The following SEMA3D variants were observed in gnomAD, a reference collection of about 807,000 sequenced individuals.
The protein encoded by SEMA3D is semaphorin 3D.
SEMA3D carries 84 observed loss-of-function variants against 100.1 expected under a neutral mutation model. The observed-to-expected ratio is 0.84, with a 90% CI of 0.70 to 1.01. The LOEUF is 1.01. Ranked by LOEUF, SEMA3D falls within the 50% of genes least tolerant of loss-of-function variation. The pLI is 0.00. For missense variants in SEMA3D, 875 were observed against 934.1 expected (o/e 0.94, Z 0.82); for synonymous variants, 312 against 320.7 (o/e 0.97, Z 0.29).
intron 1 of SEMA3D, among the ~76,000 whole-genome samples, chr7:85,174,421 G>A (rs1443056362): frequency 1.3e-5 from 2 of 152,054 alleles, no homozygotes; most frequent in African/African-American, 4.8e-5. Context: ...ATATAGGAGT[G>A]ACATAAGCTT....
At chr7:85,012,522 A>C (rs185295299) in intron 17 of SEMA3D, among the ~76,000 whole-genome samples, 1 of 151,960 alleles carries the variant, frequency 6.6e-6, no homozygotes, top group African/African-American at 2.4e-5. Context: ...TGGATAAGGT[A>C]GTAAAAAAGA....
At chr7:85,005,893 A>C (rs985703131) in intron 18 of SEMA3D, among the ~76,000 whole-genome samples, 2 of 152,050 alleles carry the variant, frequency 1.3e-5, no homozygotes, top group African/African-American at 4.8e-5. Flanking sequence ...ACTTAATTAC[A>C]TGTACTATTT....
intron 2 of SEMA3D, among the ~76,000 whole-genome samples, chr7:85,126,666 C>T (rs573008631): frequency 5.3e-5 from 8 of 151,970 alleles, no homozygotes; most frequent in Admixed American, 3.9e-4. Flanking sequence ...GATGGTTTTC[C>T]TGTAGGGTGC....
At chr7:85,052,770 T>C (rs1156894956) in intron 9 of SEMA3D, among the ~76,000 whole-genome samples, 1 of 152,018 alleles carries the variant, frequency 6.6e-6, no homozygotes, top group South Asian at 2.1e-4. Flanking sequence ...TTGTCTAGTA[T>C]AGTGCATTTT....
intron 1 of SEMA3D, among the ~76,000 whole-genome samples, chr7:85,174,123 A>G (rs1791160390): frequency 6.6e-6 from 1 of 152,138 alleles, no homozygotes; most frequent in Non-Finnish European, 1.5e-5. Flanking sequence ...GTGAGGAAGA[A>G]GGTGATGTAA....
At chr7:85,211,486 T>A in the SEMA3D span, among the ~76,000 whole-genome samples, 1 of 152,150 alleles carries the variant, frequency 6.6e-6, no homozygotes, top group Non-Finnish European at 1.5e-5. Context: ...AACAGAATTA[T>A]GTTTGCTGTT....
At chr7:85,247,382 A>T in the SEMA3D span, among the ~76,000 whole-genome samples, 13 of 152,142 alleles carry the variant, frequency 8.5e-5, no homozygotes, top group Admixed American at 8.5e-4. Context: ...TAAGTGCTGT[A>T]GAAGAACAAT....
At chr7:85,117,792 GTAT>G (rs1233871857) in intron 3 of SEMA3D, among the ~76,000 whole-genome samples, 7 of 148,490 alleles carry the variant, frequency 4.7e-5, no homozygotes, top group Non-Finnish European at 8.8e-5. Context: ...ATGTATGTAT[GTAT>G]GTATGTATGT....
intron 13 of SEMA3D, among the ~76,000 whole-genome samples, chr7:85,021,264 C>T (rs1790247204): frequency 6.6e-6 from 1 of 151,734 alleles, no homozygotes; most frequent in African/African-American, 2.4e-5. Context: ...ATAATTTTCT[C>T]AGTAAAGGTT....
chr7:85,070,818 T>A (rs1305625859), intron 6 of SEMA3D, among the ~76,000 whole-genome samples: 1 of 152,170 alleles, frequency 6.6e-6, no homozygotes, highest in Non-Finnish European at 1.5e-5. Context: ...TCTTGCTCTG[T>A]CGCCCAGGCT....
the SEMA3D span, among the ~76,000 whole-genome samples, chr7:85,192,475 C>A: frequency 6.6e-6 from 1 of 152,028 alleles, no homozygotes; most frequent in Admixed American, 6.5e-5. Context: ...GCTAGTAGGG[C>A]ACTTCTAATC....
chr7:85,133,279 A>G (rs941389879), intron 2 of SEMA3D, among the ~76,000 whole-genome samples: 3 of 151,904 alleles, frequency 2.0e-5, no homozygotes, highest in Non-Finnish European at 4.4e-5. Flanking sequence ...TCATCCTTAT[A>G]TCCTCAGCTA....
At chr7:85,088,483 A>G (rs573428847) in intron 4 of SEMA3D, among the ~76,000 whole-genome samples, 1 of 152,182 alleles carries the variant, frequency 6.6e-6, no homozygotes, top group African/African-American at 2.4e-5. Flanking sequence ...GATAGTGGCC[A>G]TCTCTTTCAA....
At chr7:85,067,588 A>G (rs1318302931) in intron 7 of SEMA3D, among the ~76,000 whole-genome samples, 1 of 152,158 alleles carries the variant, frequency 6.6e-6, no homozygotes, top group Non-Finnish European at 1.5e-5. Flanking sequence ...GAAATTCAGA[A>G]GTCTTGCTGA....
chr7:85,201,191 A>T, the SEMA3D span, among the ~76,000 whole-genome samples: 1 of 152,198 alleles, frequency 6.6e-6, no homozygotes, highest in South Asian at 2.1e-4. Flanking sequence ...TTGTTTTCAT[A>T]GGATGCTTGG....
the SEMA3D span, among the ~76,000 whole-genome samples, chr7:85,207,176 A>G: frequency 6.6e-6 from 1 of 152,092 alleles, no homozygotes; most frequent in Non-Finnish European, 1.5e-5. Flanking sequence ...ATATTTAGAA[A>G]GTGGTTAATG....
chr7:85,009,142 T>C (rs1025349556), intron 17 of SEMA3D, among the ~76,000 whole-genome samples: 1 of 151,702 alleles, frequency 6.6e-6, no homozygotes, highest in Non-Finnish European at 1.5e-5. Context: ...TAAAATAGCT[T>C]CTTATTACAT....
chr7:85,100,473 T>C (rs1210538210), intron 3 of SEMA3D, among the ~76,000 whole-genome samples: 2 of 151,928 alleles, frequency 1.3e-5, no homozygotes, highest in Non-Finnish European at 2.9e-5. Flanking sequence ...TACTGAATGC[T>C]AATAAGGTAA....
At chr7:85,221,242 C>T in the SEMA3D span, among the ~76,000 whole-genome samples, 1 of 152,044 alleles carries the variant, frequency 6.6e-6, no homozygotes, top group Admixed American at 6.6e-5. Flanking sequence ...TAAAAAGCAA[C>T]TCAGTAAAGA....
Sources: allele counts gnomAD v4.1 joint callset (sites outside exome capture counted in the v4.1 genomes callset), GRCh38; gene constraint gnomAD v4.1.1; transcripts MANE v1.5; gene names NCBI Gene and HGNC (gene_info 2026-07-23, HGNC 2026-07-21).